Variants in NECAB1 observed in about 807,000 individuals in gnomAD.
The protein encoded by NECAB1 is N-terminal EF-hand calcium binding protein 1, also known as N-terminal EF-hand calcium-binding protein 1.
Under a neutral mutation model 57.5 loss-of-function variants are expected in NECAB1, and 29 were observed. The observed-to-expected ratio is 0.50, with a 90% CI of 0.38 to 0.69. The LOEUF (loss-of-function observed/expected upper bound fraction) is 0.69. Ranked by LOEUF, NECAB1 falls within the 30% of genes least tolerant of loss-of-function variation. NECAB1 has a pLI of 0.00. For missense variants in NECAB1, 372 were observed against 413.8 expected, an observed-to-expected ratio of 0.90 and a Z score of 0.88; for synonymous variants, 142 against 147.7, an observed-to-expected ratio of 0.96 and a Z score of 0.28.
chr8:90,841,689 G>C (rs1458209606), intron 3 of NECAB1, among the ~76,000 whole-genome samples: 1 of 152,144 alleles, frequency 6.6e-6, no homozygotes, highest in East Asian at 1.9e-4. Context: ...TATTTTCAGG[G>C]ACAACAAGGA....
intron 7 of NECAB1, among the ~76,000 whole-genome samples, chr8:90,927,018 C>G (rs964360176): frequency 2.0e-5 from 3 of 152,114 alleles, no homozygotes; most frequent in African/African-American, 7.2e-5. Context: ...ATAGATTGTT[C>G]TTTCCATTTT....
intron 5 of NECAB1, among the ~76,000 whole-genome samples, chr8:90,884,336 A>C (rs756642087): frequency 2.0e-5 from 3 of 151,982 alleles, no homozygotes; most frequent in Non-Finnish European, 2.9e-5. Flanking sequence ...CTCTATCTCT[A>C]GTTTTTTTAT....
At chr8:90,936,443 G>A (rs1810540848) in intron 9 of NECAB1, among the ~76,000 whole-genome samples, 1 of 152,108 alleles carries the variant, frequency 6.6e-6, no homozygotes, top group South Asian at 2.1e-4. Context: ...ATGAGGTAGT[G>A]CTATCCTCAG....
chr8:90,944,620 T>C (rs1010511487), intron 10 of NECAB1, among the ~76,000 whole-genome samples: 4 of 152,178 alleles, frequency 2.6e-5, no homozygotes, highest in African/African-American at 9.7e-5. Flanking sequence ...GAGAATAGTT[T>C]TGCTTTCAAG....
rs1811080103 is a variant in NECAB1 at position 90,958,846 on chromosome 8, T to TCTTC, written c.*3337_*3338insCCTT. On this transcript the variant is annotated 3_prime_UTR_variant, in exon 13 of 13. Transcript: ENST00000417640. Reference sequence around the variant, plus strand: ...GCAAAGCTGAAACTGATTAGAAAATTCTTTATATTTTAAAATAGCTCTTTC... The same window carrying TCTTC: ...GCAAAGCTGAAACTGATTAGAAAATTCTTCCTTTATATTTTAAAATAGCTCTTTC... 1 of 517,924 alleles carries TCTTC rather than the reference T, an allele frequency of 1.9e-6. No individual in the cohort carries two copies. Among genetic ancestry groups the TCTTC allele is most frequent in the Non-Finnish European group, 3.3e-6 (1 of 298,674 alleles). The allele number at this position is 517,924 out of a possible 1,614,324, so 32.1% of individuals were successfully genotyped here.
At chr8:90,811,441 G>A (rs1381611473) in intron 2 of NECAB1, among the ~76,000 whole-genome samples, 1 of 152,138 alleles carries the variant, frequency 6.6e-6, no homozygotes, top group Non-Finnish European at 1.5e-5. Context: ...GGATGGCCTA[G>A]GAAGGCTTAT....
At chr8:90,901,532 G>A (rs1345100208) in intron 5 of NECAB1, among the ~76,000 whole-genome samples, 1 of 152,186 alleles carries the variant, frequency 6.6e-6, no homozygotes, top group African/African-American at 2.4e-5. Context: ...GCAGGAAAAT[G>A]ACACCAGTAT....
chr8:90,946,385 T>C (rs1810804501), intron 10 of NECAB1, among the ~76,000 whole-genome samples: 1 of 152,230 alleles, frequency 6.6e-6, no homozygotes, highest in Non-Finnish European at 1.5e-5. Context: ...GTGATGACCA[T>C]GGACAAGACA....
At chr8:90,916,707 C>T (rs754317821) in intron 5 of NECAB1, among the ~76,000 whole-genome samples, 10 of 152,134 alleles carry the variant, frequency 6.6e-5, no homozygotes, top group Non-Finnish European at 1.5e-4. Context: ...TGTTGGTTCT[C>T]CCTGAGACTT....
Position 90,958,976 on chromosome 8 carries a change from T to C in NECAB1, c.*3464T>C. ...GCTAGATCCACCTCATTTGCAGATG[T>C]CCAAACTTAAATTCATCTGTTCTTA... On this transcript the variant is annotated 3_prime_UTR_variant, in exon 13 of 13. Transcript: ENST00000417640. 1 of 1,381,578 alleles carries C rather than the reference T, an allele frequency of 7.2e-7. No homozygotes were observed. Among genetic ancestry groups the C allele is most frequent in the East Asian group, 2.6e-5 (1 of 38,208 alleles). 85.6% of individuals were successfully genotyped at this position (1,381,578 alleles called of 1,614,324 possible).
chr8:90,928,446 T>C (rs1810330234), intron 8 of NECAB1, 147 bp downstream of exon 8: 1 of 550,502 alleles, frequency 1.8e-6, no homozygotes, highest in East Asian at 3.4e-5. Flanking sequence ...TTGGTAGTTA[T>C]TTGAGGTTTT....
chr8:90,863,055 C>T (rs1356866335), intron 3 of NECAB1, among the ~76,000 whole-genome samples: 3 of 152,002 alleles, frequency 2.0e-5, no homozygotes, highest in Admixed American at 2.0e-4. Context: ...CCCCTTTGTC[C>T]ATCTCAAGCG....
intron 3 of NECAB1, among the ~76,000 whole-genome samples, chr8:90,857,615 G>C (rs1257821127): frequency 6.6e-6 from 1 of 152,056 alleles, no homozygotes; most frequent in African/African-American, 2.4e-5. Flanking sequence ...AGTTAAAAAT[G>C]TAATTAAAGA....
At chr8:90,882,374 C>T (rs1389944389) in intron 5 of NECAB1, among the ~76,000 whole-genome samples, 1 of 151,322 alleles carries the variant, frequency 6.6e-6, no homozygotes, top group Non-Finnish European at 1.5e-5. Context: ...ATTGGAGCAC[C>T]AGCCTAGTGT....
chr8:90,850,782 G>T (rs1192550805), intron 3 of NECAB1, among the ~76,000 whole-genome samples: 1 of 152,116 alleles, frequency 6.6e-6, no homozygotes, highest in Non-Finnish European at 1.5e-5. Flanking sequence ...GTTGATCTTT[G>T]TCCCTGGTTT....
At chr8:90,846,199 A>G (rs2129758795) in intron 3 of NECAB1, among the ~76,000 whole-genome samples, 1 of 152,322 alleles carries the variant, frequency 6.6e-6, no homozygotes, top group East Asian at 1.9e-4. Context: ...GACTTTACCA[A>G]TTTTGCCAAC....
intron 2 of NECAB1, among the ~76,000 whole-genome samples, chr8:90,811,969 A>G (rs1478063915): frequency 6.6e-6 from 1 of 152,234 alleles, no homozygotes; most frequent in Non-Finnish European, 1.5e-5. Context: ...TGATGGGTGC[A>G]TAAAGCTGCA....
intron 9 of NECAB1, chr8:90,940,171 G>T (rs1281763361): frequency 6.6e-6 from 1 of 152,254 alleles, no homozygotes; most frequent in Admixed American, 6.5e-5. Flanking sequence ...TTAAAAACAA[G>T]CACCATCTGA....
chr8:90,804,360 CGGG>C (rs972910172), intron 2 of NECAB1, among the ~76,000 whole-genome samples: 4 of 150,312 alleles, frequency 2.7e-5, no homozygotes. Flanking sequence ...GCTACAGAGG[CGGG>C]GGAGTGAAAG....
Sources: gnomAD v4.1 joint callset for allele counts (sites outside exome capture counted in the v4.1 genomes callset) on GRCh38, gnomAD v4.1.1 for gene constraint, MANE v1.5 for transcripts, NCBI Gene and HGNC (gene_info 2026-07-23, HGNC 2026-07-21) for gene names.